Variants in SNRPE observed in about 807,000 individuals in gnomAD.
SNRPE encodes small nuclear ribonucleoprotein E.
For missense variants in SNRPE, 53 were observed against 111.6 expected (o/e 0.48, Z 2.36); for synonymous variants, 35 against 36.7 (o/e 0.95, Z 0.17).
At chr1:203,865,017 A>G (rs1690059915) in intron 3 of SNRPE, 24 bp from the exon 4 acceptor site, 1 of 1,599,506 alleles carries the variant, frequency 6.3e-7, no homozygotes, top group African/African-American at 1.3e-5. Flanking sequence ...TTCTTTGAAG[A>G]TAACAGTTTG....
chr1:203,865,332 CAA>C (rs1474694524), intron 4 of SNRPE, among the ~76,000 whole-genome samples: 2 of 152,168 alleles, frequency 1.3e-5, no homozygotes, highest in East Asian at 3.8e-4. Flanking sequence ...CCAAGGGAAC[CAA>C]AGACTAGTGG....
chr1:203,868,245 G>A (rs1233418868), intron 4 of SNRPE, among the ~76,000 whole-genome samples: 2 of 151,946 alleles, frequency 1.3e-5, no homozygotes, highest in African/African-American at 4.8e-5. Context: ...TAGTAGAGAC[G>A]GGGTTTCACT....
chr1:203,862,292 C>T, intron 2 of SNRPE, 70 bp downstream of exon 2: 1 of 1,053,862 alleles, frequency 9.5e-7, no homozygotes, highest in Non-Finnish European at 1.5e-6. Context: ...TTTGTGTTAA[C>T]CTGAGCGATC....
Position 203,870,846 on chromosome 1 carries a change from T to G in SNRPE, c.*914T>G, listed in dbSNP as rs1690201488. Among the ~76,000 whole-genome samples the G allele has an allele frequency of 6.6e-6, 1 of 152,246 alleles. No individual in the cohort carries two copies. Among genetic ancestry groups the G allele is most frequent in the African/African-American group, 2.4e-5 (1 of 41,466 alleles). On this transcript the variant is annotated 3_prime_UTR_variant, in exon 5 of 5. Coordinates refer to ENST00000414487, the MANE Select transcript of SNRPE (RefSeq NM_003094.4). ...AGCAGGTGGTTTTAATGCCTCATTC[T>G]AAGTGCTATTTAAATTGGATCTTGA... is the stretch of plus-strand genomic sequence containing the variant.
chr1:203,862,042 C>T (rs757378990), intron 1 of SNRPE, 154 bp from the exon 2 acceptor site: 12 of 663,692 alleles, frequency 1.8e-5, no homozygotes, highest in African/African-American at 3.6e-5. Context: ...TTAGAAGACC[C>T]GTAACGAATG....
chr1:203,862,140 T>A, intron 1 of SNRPE, 56 bp from the exon 2 acceptor site: 1 of 1,429,702 alleles, frequency 7.0e-7, no homozygotes, highest in Non-Finnish European at 9.9e-7. Flanking sequence ...TCCGGTTGTT[T>A]CAGGAAGCAG....
intron 3 of SNRPE, 53 bp from the exon 4 acceptor site, chr1:203,864,988 A>G: frequency 6.4e-6 from 10 of 1,574,136 alleles, no homozygotes; most frequent in Non-Finnish European, 8.6e-6. Flanking sequence ...TACTCATTTA[A>G]AATGGTTTGA....
At position 203,869,962 on chromosome 1, in the gene SNRPE, G is replaced by A. The variant is rs1166819640; in HGVS notation, c.*30G>A. ...GATCAATGAAGTGAGAAATTGTTGA[G>A]AAGGATACAGTTTGTTTTTAGATGT... On this transcript the variant is annotated 3_prime_UTR_variant, in exon 5 of 5. Transcript: ENST00000414487. 2 of 1,425,922 alleles carry A rather than the reference G, an allele frequency of 1.4e-6. No homozygotes were observed. The highest frequency in any genetic ancestry group is 9.8e-7 in the Non-Finnish European group (1 of 1,020,072). 88.3% of individuals were successfully genotyped at this position (1,425,922 alleles called of 1,614,324 possible). A position where few individuals can be genotyped will look rare whatever the true frequency, so the allele number is the denominator to read the frequency against.
At position 203,870,854 on chromosome 1, in the gene SNRPE, A is replaced by C. The variant is rs1282605280; in HGVS notation, c.*922A>C. ...GTTTTAATGCCTCATTCTAAGTGCT[A>C]TTTAAATTGGATCTTGAAAGATGAA... On this transcript the variant is annotated 3_prime_UTR_variant, in exon 5 of 5. Transcript: ENST00000414487. Among the ~76,000 whole-genome samples, 1 of 152,226 alleles carries C rather than the reference A, an allele frequency of 6.6e-6. No homozygotes were observed. Among genetic ancestry groups the C allele is most frequent in the Non-Finnish European group, 1.5e-5 (1 of 68,034 alleles).
chr1:203,867,094 CCCTGTCTTTCCTGAAAAAAAAAAAAAAAA>C (rs1233530730), intron 4 of SNRPE, among the ~76,000 whole-genome samples: 3 of 131,040 alleles, frequency 2.3e-5, no homozygotes, highest in African/African-American at 5.8e-5. Flanking sequence ...CATGGTGAAA[CCCTGTCTTTCCTGAAAAAAAAAAAAAAAA>C]AAAAAAATTA....
intron 4 of SNRPE, among the ~76,000 whole-genome samples, chr1:203,866,152 C>T (rs774951400): frequency 8.1e-4 from 123 of 152,274 alleles, no homozygotes; most frequent in African/African-American, 2.9e-3. Context: ...CATGCTGAAA[C>T]GTTGTAGGGG....
intron 4 of SNRPE, among the ~76,000 whole-genome samples, chr1:203,867,230 A>T (rs1267551554): frequency 6.6e-6 from 1 of 150,948 alleles, no homozygotes. Context: ...CAGTGAGCTG[A>T]GATCACGCCA....
chr1:203,867,823 A>G (rs1377532545), intron 4 of SNRPE, among the ~76,000 whole-genome samples: 7 of 152,174 alleles, frequency 4.6e-5, no homozygotes, highest in Non-Finnish European at 8.8e-5. Flanking sequence ...GCCCTGCTCT[A>G]AAAAGTTCAA....
chr1:203,862,148 C>G, intron 1 of SNRPE, 48 bp from the exon 2 acceptor site: 2 of 1,491,604 alleles, frequency 1.3e-6, no homozygotes, highest in Non-Finnish European at 9.4e-7. Context: ...TTTCAGGAAG[C>G]AGAGTCTATG....
intron 3 of SNRPE, 104 bp downstream of exon 3, chr1:203,863,829 TAAGGA>T: frequency 1.3e-6 from 1 of 761,692 alleles, no homozygotes; most frequent in Non-Finnish European, 2.2e-6. Flanking sequence ...AGATCCAACC[TAAGGA>T]AAGTTTTTCA....
At chr1:203,862,117 G>T in intron 1 of SNRPE, 79 bp from the exon 2 acceptor site, 2 of 1,128,130 alleles carry the variant, frequency 1.8e-6, no homozygotes, top group South Asian at 2.5e-5. Context: ...AAGGTGAGAC[G>T]GGAATAGCGT....
intron 4 of SNRPE, among the ~76,000 whole-genome samples, chr1:203,866,204 A>G (rs1259347129): frequency 6.6e-6 from 1 of 152,244 alleles, no homozygotes; most frequent in Non-Finnish European, 1.5e-5. Context: ...AAAAGGCAAC[A>G]TCTTAGAGAT....
At chr1:203,869,842 G>A (rs1351617467) in intron 4 of SNRPE, 35 bp from the exon 5 acceptor site, 4 of 1,479,966 alleles carry the variant, frequency 2.7e-6, no homozygotes, top group South Asian at 1.2e-5. Context: ...TGAGTGTGTG[G>A]CTATTAATAG....
rs749446376 is a variant in SNRPE at position 203,869,921 on chromosome 1, G to C, written c.268G>C (p.Val90Leu). The C allele has an allele frequency of 1.3e-6, 2 of 1,598,840 alleles. No individual in the cohort carries two copies. Among genetic ancestry groups the C allele is most frequent in the Non-Finnish European group, 1.7e-6 (2 of 1,169,712 alleles). ...KGDNITLLQS[V>L]SN Reference sequence around the variant, plus strand: ...AGATAATATTACTCTGCTACAAAGTGTCTCCAACTAGAAATGATCAATGAA... The same window carrying C: ...AGATAATATTACTCTGCTACAAAGTCTCTCCAACTAGAAATGATCAATGAA... Residue 90 changes from valine to leucine, a missense_variant, in exon 5 of 5, where the codon GTC becomes CTC. Coordinates refer to ENST00000414487, the MANE Select transcript of SNRPE (RefSeq NM_003094.4).
Sources: gnomAD v4.1 joint callset for allele counts (sites outside exome capture counted in the v4.1 genomes callset) on GRCh38, gnomAD v4.1.1 for gene constraint, MANE v1.5 for transcripts, NCBI Gene and HGNC (gene_info 2026-07-23, HGNC 2026-07-21) for gene names.